NIBAN2: variants seen among roughly 807,000 people sequenced by gnomAD.
The protein encoded by NIBAN2 is protein Niban 2.
Under a neutral mutation model 81.8 loss-of-function variants are expected in NIBAN2, and 36 were observed. The ratio of observed to expected loss-of-function variants is 0.44; its 90% CI spans 0.34 to 0.58. NIBAN2 has a LOEUF of 0.58. NIBAN2 is among the 20% of genes least tolerant of loss of function. NIBAN2 has a pLI of 0.02. For synonymous variants in NIBAN2, 445 were observed against 441.6 expected (o/e 1.01, Z -0.10); for missense variants, 897 against 1,014.1 (o/e 0.88, Z 1.57).
intron 2 of NIBAN2, 150 bp downstream of exon 2, chr9:127,531,498 T>G: frequency 5.2e-6 from 3 of 576,664 alleles, no homozygotes; most frequent in Non-Finnish European, 5.5e-6. Flanking sequence ...AAGAAAAAAA[T>G]AATTAATTTT....
upstream of NIBAN2, among the ~76,000 whole-genome samples, chr9:127,569,875 C>T (rs1285005679): frequency 6.6e-6 from 1 of 152,238 alleles, no homozygotes; most frequent in Non-Finnish European, 1.5e-5. Flanking sequence ...TAGCACTTTA[C>T]AGTTTGCAAA....
At chr9:127,537,460 G>A (rs1837299954) in intron 1 of NIBAN2, among the ~76,000 whole-genome samples, 1 of 152,154 alleles carries the variant, frequency 6.6e-6, no homozygotes, top group South Asian at 2.1e-4. Flanking sequence ...TGAAGAACCG[G>A]GACAAGAATC....
At chr9:127,532,950 G>C (rs1837210762) in intron 1 of NIBAN2, among the ~76,000 whole-genome samples, 1 of 152,074 alleles carries the variant, frequency 6.6e-6, no homozygotes, top group African/African-American at 2.4e-5. Flanking sequence ...CTGAGGTCAG[G>C]AGTTCGAGAC....
At chr9:127,520,347 T>TC (rs1467455214) in intron 5 of NIBAN2, among the ~76,000 whole-genome samples, 3 of 148,538 alleles carry the variant, frequency 2.0e-5, no homozygotes, top group Non-Finnish European at 4.4e-5. Context: ...CAAGCCATTC[T>TC]CCCGCTTCAG....
At position 127,507,339 on chromosome 9, in the gene NIBAN2, C is replaced by T. The variant is rs761497532; in HGVS notation, c.1747G>A (p.Glu583Lys). 14 of 1,551,016 alleles carry T rather than the reference C, an allele frequency of 9.0e-6. No individual in the cohort carries two copies. The highest frequency in any genetic ancestry group is 4.5e-5 in the East Asian group (2 of 44,072). Residue 583 changes from glutamate (E) to lysine (K), a missense_variant, in exon 14 of 14, where the codon GAG becomes AAG. By Grantham distance (56) the Glu-to-Lys change is moderately conservative. Coordinates refer to ENST00000373312, the MANE Select transcript of NIBAN2 (RefSeq NM_022833.4). The surrounding 1 kb of genome is among the most constrained non-coding windows in gnomAD (Gnocchi z 6.8). ...NSDPNLHLLA[E>K]GAPIDWGEEY... ...TCGCCCCAGTCGATGGGGGCGCCCTCGGCCAGCAGGTGCAGGTTGGGGTCG... is the reference window on the plus strand; with the variant it reads ...TCGCCCCAGTCGATGGGGGCGCCCTTGGCCAGCAGGTGCAGGTTGGGGTCG...
intron 1 of NIBAN2, among the ~76,000 whole-genome samples, chr9:127,576,692 C>A (rs1355408140): frequency 6.6e-6 from 1 of 151,602 alleles, no homozygotes; most frequent in East Asian, 2.0e-4. Context: ...GCAGGAGGAT[C>A]GCTTGAGCCC....
At position 127,559,311 on chromosome 9, in the gene NIBAN2, T is replaced by C. The variant is rs1837730277; in HGVS notation, c.55+9509A>G. Among the ~76,000 whole-genome samples the C allele has an allele frequency of 6.6e-6, 1 of 152,220 alleles. No individual in the cohort carries two copies. Among genetic ancestry groups the C allele is most frequent in the Admixed American group, 6.5e-5 (1 of 15,282 alleles). On this transcript the variant is annotated intron_variant, in intron 1 of 13. Coordinates refer to ENST00000373312, the MANE Select transcript of NIBAN2 (RefSeq NM_022833.4). The surrounding 1 kb of genome is among the most constrained non-coding windows in gnomAD (Gnocchi z 4.0). ...CAATGTGGAGGTGCTGCACCTGCTC[T>C]GTGCCTTCAGTGCAGCCTAAGGCCC...
chr9:127,557,616 A>G lies in NIBAN2; in HGVS notation c.55+11204T>C, dbSNP rs1415270371. On this transcript the variant is annotated intron_variant, in intron 1 of 13. Coordinates refer to ENST00000373312, the MANE Select transcript of NIBAN2 (RefSeq NM_022833.4). The stretch of plus-strand genomic sequence containing the variant: ...ACAGCTCCTCTCGGATTCTGCCACA[A>G]TCTCAGCAGGAAGACAGGAAAGCTG... Among the ~76,000 whole-genome samples, 6 of 152,306 alleles carry G rather than the reference A, an allele frequency of 3.9e-5. No individual in the cohort carries two copies. In the East Asian group the frequency reaches 9.7e-4, roughly 25 times the overall value.
intron 1 of NIBAN2, among the ~76,000 whole-genome samples, chr9:127,538,381 C>G (rs958736838): frequency 6.6e-6 from 1 of 152,158 alleles, no homozygotes; most frequent in African/African-American, 2.4e-5. Flanking sequence ...AGTATCCCAT[C>G]TGACAGATAA....
chr9:127,573,271 C>G (rs1397409280), upstream of NIBAN2, among the ~76,000 whole-genome samples: 1 of 151,044 alleles, frequency 6.6e-6, no homozygotes, highest in African/African-American at 2.4e-5. Flanking sequence ...GGTGGGACCC[C>G]AGATGGGGAG....
chr9:127,526,412 A>G (rs1316299399), intron 3 of NIBAN2, among the ~76,000 whole-genome samples: 10 of 151,330 alleles, frequency 6.6e-5, no homozygotes, highest in East Asian at 1.9e-4. Context: ...AAAAAAAAAA[A>G]AAAGAAAAAA....
intron 3 of NIBAN2, among the ~76,000 whole-genome samples, chr9:127,525,603 C>A (rs781714931): frequency 6.6e-6 from 1 of 152,174 alleles, no homozygotes; most frequent in Non-Finnish European, 1.5e-5. Context: ...AAGGACTCAG[C>A]GAGCTTGGCC....
chr9:127,565,111 C>T (rs1480926426), intron 1 of NIBAN2, among the ~76,000 whole-genome samples: 1 of 152,126 alleles, frequency 6.6e-6, no homozygotes, highest in Non-Finnish European at 1.5e-5. Flanking sequence ...CAGGCGCATA[C>T]GACAATGCCC....
intron 1 of NIBAN2, among the ~76,000 whole-genome samples, chr9:127,540,639 G>A (rs948237717): frequency 6.6e-6 from 1 of 152,178 alleles, no homozygotes; most frequent in Non-Finnish European, 1.5e-5. Flanking sequence ...AGAGGCAGAG[G>A]TAGGATCTGC....
chr9:127,546,276 T>C (rs1225525199), intron 1 of NIBAN2, among the ~76,000 whole-genome samples: 1 of 152,142 alleles, frequency 6.6e-6, no homozygotes, highest in African/African-American at 2.4e-5. Context: ...CAGCCACCTG[T>C]CAAAACTGCC....
In NIBAN2 at chr9:127,569,012, G is replaced by A; in HGVS notation, c.-138C>T. ...GCCGCTCCCGCCGCTCCCGCCGCCC[G>A]GCTGCGGCTTCCGCTCCGGCTCCGC... On this transcript the variant is annotated 5_prime_UTR_variant, in exon 1 of 14. Coordinates refer to ENST00000373312, the MANE Select transcript of NIBAN2 (RefSeq NM_022833.4). 8 of 1,083,216 alleles carry A rather than the reference G, an allele frequency of 7.4e-6. No homozygotes were observed. The highest frequency in any genetic ancestry group is 8.8e-6 in the Non-Finnish European group (8 of 907,014). The allele number at this position is 1,083,216 out of a possible 1,614,324, so 67.1% of individuals were successfully genotyped here.
At chr9:127,546,848 C>A (rs1229276737) in intron 1 of NIBAN2, among the ~76,000 whole-genome samples, 3 of 151,916 alleles carry the variant, frequency 2.0e-5, no homozygotes, top group South Asian at 2.1e-4. Flanking sequence ...TTACTAGGAG[C>A]CCCAACTGGG....
intron 1 of NIBAN2, among the ~76,000 whole-genome samples, chr9:127,532,956 G>A (rs557796936): frequency 4.4e-4 from 67 of 152,102 alleles, no homozygotes; most frequent in African/African-American, 1.4e-3. Context: ...TCAGGAGTTC[G>A]AGACCAGCCT....
At chr9:127,570,006 A>G (rs115855162), upstream of NIBAN2, among the ~76,000 whole-genome samples, 132 of 152,230 alleles carry the variant, frequency 8.7e-4, 1 homozygote, top group African/African-American at 3.0e-3. Context: ...GGCAGGGGAG[A>G]CAGTCAGGTT....
Sources: allele counts gnomAD v4.1 joint callset (sites outside exome capture counted in the v4.1 genomes callset), GRCh38; gene constraint gnomAD v4.1.1; non-coding constraint Gnocchi (gnomAD v3.1); transcripts MANE v1.5; gene names NCBI Gene and HGNC (gene_info 2026-07-23, HGNC 2026-07-21).